Variants in GMCL1 observed in about 807,000 individuals in gnomAD.
GMCL1 encodes the protein germ cell-less protein-like 1.
In GMCL1, 54 loss-of-function variants were observed where a neutral mutation model predicts 75.5. The observed-to-expected ratio is 0.71, with a 90% confidence interval of 0.57 to 0.90. GMCL1 has a LOEUF of 0.90. GMCL1 is among the 40% of genes least tolerant of loss of function. The pLI is 0.00. For synonymous variants in GMCL1, 210 were observed against 209.6 expected (o/e 1.00, Z -0.02); for missense variants, 537 against 622.7 (o/e 0.86, Z 1.47).
Position 69,869,758 on chromosome 2 carries a change from C to T in GMCL1, c.1258C>T (p.Leu420=), listed in dbSNP as rs200286937. The part of the protein sequence containing the change: ...RWTGFNFGFD[L]LVTYTNRYII... The stretch of plus-strand genomic sequence containing the variant: ...GACAGGTTTTAACTTCGGCTTCGAC[C>T]TACTTGTAACTTACACCAATCGATA... The change falls in exon 12 of 14, where the codon CTA becomes TTA. Residue 420 remains leucine (L), a synonymous_variant. Transcript: ENST00000282570. 5 of 1,613,926 alleles carry T rather than the reference C, an allele frequency of 3.1e-6. No homozygotes were observed. Among genetic ancestry groups the T allele is most frequent in the Non-Finnish European group, 3.4e-6 (4 of 1,179,954 alleles).
chr2:69,867,753 G>T (rs548708494), intron 11 of GMCL1, among the ~76,000 whole-genome samples: 1 of 152,164 alleles, frequency 6.6e-6, no homozygotes, highest in African/African-American at 2.4e-5. Context: ...GACAAACACC[G>T]TACCCCATTG....
At position 69,847,604 on chromosome 2, in the gene GMCL1, GATAT is replaced by G; in HGVS notation, c.824_827del (p.Ile275ThrfsTer4). On this transcript the variant is annotated frameshift_variant, in exon 7 of 14. Transcript: ENST00000282570. LOFTEE classifies it high-confidence loss of function. ...CTTATTTGTGATGCAAGTGGAGATG[GATAT>G]ATACACTGCTCTAAAAAAGGTACTG... 1 of 1,603,760 alleles carries G rather than the reference GATAT, an allele frequency of 6.2e-7. No individual in the cohort carries two copies. The highest frequency in any genetic ancestry group is 1.1e-5 in the South Asian group (1 of 90,888).
intron 2 of GMCL1, 91 bp from the exon 3 acceptor site, chr2:69,839,366 G>A: frequency 1.4e-6 from 1 of 701,654 alleles, no homozygotes; most frequent in South Asian, 1.9e-5. Flanking sequence ...TTAGTTAATG[G>A]ATAGAATAGT....
chr2:69,841,871 A>G (rs912278506), intron 4 of GMCL1, among the ~76,000 whole-genome samples: 1 of 152,190 alleles, frequency 6.6e-6, no homozygotes, highest in African/African-American at 2.4e-5. Flanking sequence ...GTGATGTGAA[A>G]TAATGGAGGA....
chr2:69,861,026 A>T (rs1675624797), intron 9 of GMCL1, among the ~76,000 whole-genome samples: 2 of 152,224 alleles, frequency 1.3e-5, no homozygotes, highest in Non-Finnish European at 2.9e-5. Flanking sequence ...TATTTTTAGT[A>T]GAGACGGGGT....
chr2:69,830,897 G>A (rs969304091), intron 1 of GMCL1, among the ~76,000 whole-genome samples: 9 of 151,876 alleles, frequency 5.9e-5, no homozygotes, highest in African/African-American at 1.2e-4. Context: ...TATTTGGTAG[G>A]GTCACACATG....
At position 69,844,170 on chromosome 2, in the gene GMCL1, G is replaced by A. The variant is rs988065405; in HGVS notation, c.732G>A (p.Gln244=). ...TTCTAAACAATTTGATGACTCACCA[G>A]AATGTTGAACTTTTTAAAGAACTCA... The part of the protein sequence containing the change: ...EWLLNNLMTH[Q]NVELFKELSI... Residue 244 remains glutamine, a synonymous_variant, in exon 6 of 14, where the codon CAG becomes CAA. Coordinates refer to ENST00000282570, the MANE Select transcript of GMCL1 (RefSeq NM_178439.5). The A allele has an allele frequency of 6.4e-7, 1 of 1,574,064 alleles. No homozygotes were observed. Among genetic ancestry groups the A allele is most frequent in the Non-Finnish European group, 8.6e-7 (1 of 1,158,776 alleles).
intron 9 of GMCL1, among the ~76,000 whole-genome samples, chr2:69,857,111 G>A (rs764874056): frequency 1.3e-5 from 2 of 152,140 alleles, no homozygotes; most frequent in Non-Finnish European, 2.9e-5. Flanking sequence ...CATGTTCATA[G>A]CCTCATTCCC....
intron 13 of GMCL1, among the ~76,000 whole-genome samples, chr2:69,875,776 C>G (rs1676113598): frequency 1.3e-5 from 2 of 151,762 alleles, no homozygotes; most frequent in Admixed American, 1.3e-4. Context: ...CTCACTGCAA[C>G]CTCCACCTCC....
intron 11 of GMCL1, among the ~76,000 whole-genome samples, chr2:69,868,330 G>A (rs1422785378): frequency 6.6e-6 from 1 of 152,096 alleles, no homozygotes; most frequent in Non-Finnish European, 1.5e-5. Flanking sequence ...TTAGAGGAGT[G>A]CCTGGCATAT....
chr2:69,833,732 A>G (rs1045538858), intron 1 of GMCL1, among the ~76,000 whole-genome samples: 32 of 152,256 alleles, frequency 2.1e-4, no homozygotes, highest in Admixed American at 4.6e-4. Context: ...TCAACAGACC[A>G]CTTTATGAGA....
intron 8 of GMCL1, among the ~76,000 whole-genome samples, chr2:69,852,808 G>A (rs186268074): frequency 2.0e-5 from 3 of 152,274 alleles, no homozygotes; most frequent in Middle Eastern, 3.4e-3. Flanking sequence ...CAATGTGCTA[G>A]GATTACAGGC....
At chr2:69,869,377 C>T (rs1675917851) in intron 11 of GMCL1, among the ~76,000 whole-genome samples, 2 of 143,948 alleles carry the variant, frequency 1.4e-5, no homozygotes, top group Non-Finnish European at 3.0e-5. Flanking sequence ...AAGATCATGC[C>T]ACTGCACTCC....
At chr2:69,878,600 T>A (rs1676190301) in intron 13 of GMCL1, among the ~76,000 whole-genome samples, 1 of 152,268 alleles carries the variant, frequency 6.6e-6, no homozygotes, top group Non-Finnish European at 1.5e-5. Flanking sequence ...TGTAAGTATT[T>A]GATAGAAATT....
intron 6 of GMCL1, 38 bp from the exon 7 acceptor site, chr2:69,847,505 C>T (rs1675187653): frequency 3.1e-6 from 4 of 1,288,684 alleles, no homozygotes; most frequent in Non-Finnish European, 3.4e-6. Context: ...TAGCCTGTGC[C>T]TAAAGATAAG....
At chr2:69,856,768 T>G (rs976968620) in intron 9 of GMCL1, among the ~76,000 whole-genome samples, 1 of 150,946 alleles carries the variant, frequency 6.6e-6, no homozygotes, top group South Asian at 2.1e-4. Context: ...CCCCTCAGTG[T>G]GCACTTTCCA....
At chr2:69,853,337 A>G (rs1358877543) in intron 8 of GMCL1, among the ~76,000 whole-genome samples, 2 of 152,318 alleles carry the variant, frequency 1.3e-5, no homozygotes, top group East Asian at 3.9e-4. Flanking sequence ...TTTTTTAATG[A>G]ATTTACTGCT....
intron 7 of GMCL1, among the ~76,000 whole-genome samples, chr2:69,848,341 T>C (rs188090458): frequency 1.3e-5 from 2 of 152,362 alleles, no homozygotes; most frequent in Admixed American, 6.5e-5. Flanking sequence ...TTTGTTTCTA[T>C]GGTAGAGGTG....
chr2:69,878,327 C>T (rs914513183), intron 13 of GMCL1, among the ~76,000 whole-genome samples: 10 of 152,144 alleles, frequency 6.6e-5, no homozygotes, highest in African/African-American at 9.7e-5. Context: ...CTGTACCCAA[C>T]GGCCATCAGT....
Sources: gnomAD v4.1 joint callset for allele counts (sites outside exome capture counted in the v4.1 genomes callset) on GRCh38, gnomAD v4.1.1 for gene constraint, MANE v1.5 for transcripts, NCBI Gene and HGNC (gene_info 2026-07-23, HGNC 2026-07-21) for gene names.